Variants in CEP126 observed in about 807,000 individuals in gnomAD.
CEP126 encodes the protein centrosomal protein 126, also known as centrosomal protein of 126 kDa.
A neutral mutation model predicts 107.8 loss-of-function variants in CEP126; 74 were observed. That is an observed-to-expected ratio of 0.69 (90% confidence interval 0.57 to 0.83). The LOEUF is 0.83. Ranked by LOEUF, CEP126 falls within the 40% of genes least tolerant of loss-of-function variation. The pLI, the probability that CEP126 is intolerant of heterozygous loss-of-function variation, is 0.00. For missense variants in CEP126, 1,237 were observed against 1,281.9 expected (o/e 0.96, Z 0.53); for synonymous variants, 449 against 446.0 (o/e 1.01, Z -0.08).
At chr11:101,996,589 C>T (rs1421019723) in intron 10 of CEP126, among the ~76,000 whole-genome samples, 1 of 152,090 alleles carries the variant, frequency 6.6e-6, no homozygotes, top group African/African-American at 2.4e-5. Context: ...TAAGCGGTCT[C>T]TTATAAATCA....
At chr11:101,915,491 C>A in intron 1 of CEP126, 79 bp downstream of exon 1, 1 of 1,526,158 alleles carries the variant, frequency 6.6e-7, no homozygotes, top group Non-Finnish European at 8.9e-7. Flanking sequence ...ATTCCCATTA[C>A]CTTTGACGCA....
chr11:101,915,256 C>G lies in CEP126; in HGVS notation c.-29C>G. 1 of 1,611,616 alleles carries G rather than the reference C, an allele frequency of 6.2e-7. No homozygotes were observed. The highest frequency in any genetic ancestry group is 8.5e-7 in the Non-Finnish European group (1 of 1,179,118). ...GCTGCCATGAGGGAGGTTCTGGGGG[C>G]GAGCAGACAGGCGGCGCTGAAGTGA... On this transcript the variant is annotated 5_prime_UTR_variant, in exon 1 of 11. Coordinates refer to ENST00000263468, the MANE Select transcript of CEP126 (RefSeq NM_020802.4).
intron 6 of CEP126, among the ~76,000 whole-genome samples, chr11:101,965,028 A>G (rs1591286620): frequency 6.6e-6 from 1 of 152,166 alleles, no homozygotes; most frequent in Non-Finnish European, 1.5e-5. Flanking sequence ...TTTATCTGCT[A>G]TGACTATTGG....
intron 6 of CEP126, among the ~76,000 whole-genome samples, chr11:101,970,521 G>T (rs908631208): frequency 6.6e-6 from 1 of 151,142 alleles, no homozygotes; most frequent in African/African-American, 2.4e-5. Flanking sequence ...CTCAATTCAT[G>T]CACTTTTCTA....
chr11:101,981,954 T>C lies in CEP126; in HGVS notation c.3024T>C (p.Tyr1008=), dbSNP rs553900275. 10 of 1,555,742 alleles carry C rather than the reference T, an allele frequency of 6.4e-6. 1 individual carries two copies. Among genetic ancestry groups the C allele is most frequent in the South Asian group, 2.3e-5 (2 of 85,938 alleles). Residue 1008 remains tyrosine, a synonymous_variant, in exon 8 of 11, where the codon TAT becomes TAC. Transcript: ENST00000263468. The stretch of plus-strand genomic sequence containing the variant: ...AACAAACTACAAGGGGTACTTCTTA[T>C]ATTGAAGAAGGTATGTTTTAGTTTA... ...EPKQTTRGTS[Y]IEEVSDSTSE... is the part of the protein sequence containing the mutation.
chr11:101,940,308 A>G (rs536254123), intron 2 of CEP126, among the ~76,000 whole-genome samples: 17 of 152,328 alleles, frequency 1.1e-4, no homozygotes, highest in African/African-American at 4.1e-4. Flanking sequence ...AAAATCAAAA[A>G]AAGTTTTATT....
At chr11:101,977,357 G>C (rs536953364) in intron 6 of CEP126, among the ~76,000 whole-genome samples, 1 of 151,966 alleles carries the variant, frequency 6.6e-6, no homozygotes, top group Non-Finnish European at 1.5e-5. Context: ...AAAAGGCCGG[G>C]TGCAGTGGCT....
chr11:101,965,581 T>C (rs1427958716), intron 6 of CEP126, among the ~76,000 whole-genome samples: 1 of 152,212 alleles, frequency 6.6e-6, no homozygotes, highest in Non-Finnish European at 1.5e-5. Flanking sequence ...TTTTATCCAG[T>C]CATTTCAGAA....
chr11:101,944,529 C>T (rs1344266710), intron 3 of CEP126, 119 bp downstream of exon 3: 7 of 946,742 alleles, frequency 7.4e-6, no homozygotes, highest in Non-Finnish European at 1.1e-5. Flanking sequence ...ACCAATATGA[C>T]TTTTGAGTAA....
intron 1 of CEP126, among the ~76,000 whole-genome samples, chr11:101,918,090 C>T (rs915201974): frequency 6.6e-6 from 1 of 152,122 alleles, no homozygotes; most frequent in African/African-American, 2.4e-5. Context: ...CACACTCCCA[C>T]CCACCTGTCT....
At chr11:101,937,733 TTATAA>T (rs1375679936) in intron 2 of CEP126, among the ~76,000 whole-genome samples, 19 of 152,168 alleles carry the variant, frequency 1.2e-4, no homozygotes, top group Admixed American at 8.5e-4. Flanking sequence ...GACAAAAAAA[TTATAA>T]TATATCTGAA....
chr11:101,980,865 A>G (rs1439062374), intron 7 of CEP126, among the ~76,000 whole-genome samples: 1 of 152,238 alleles, frequency 6.6e-6, no homozygotes, highest in Non-Finnish European at 1.5e-5. Context: ...GAGATCAAAC[A>G]AGACTATGAG....
At chr11:101,967,340 T>C (rs1197529314) in intron 6 of CEP126, among the ~76,000 whole-genome samples, 3 of 152,156 alleles carry the variant, frequency 2.0e-5, no homozygotes, top group African/African-American at 4.8e-5. Flanking sequence ...AATAGTTCTT[T>C]TACCAATATC....
In CEP126 at chr11:101,958,152, T is replaced by TA; in HGVS notation, c.507-15dup. On this transcript the variant is annotated splice_polypyrimidine_tract_variant and intron_variant, in intron 4 of 10. Transcript: ENST00000263468. ...TTATTTAAATGTACTAAGCACTTTT[T>TA]ATGTCTGGTTCACAGAGCTATAGAT... 1 of 1,608,668 alleles carries TA rather than the reference T, an allele frequency of 6.2e-7. No individual in the cohort carries two copies. Among genetic ancestry groups the TA allele is most frequent in the Non-Finnish European group, 8.5e-7 (1 of 1,177,494 alleles).
rs1462854442 is a variant in CEP126, at chr11:101,999,185, T to C, written c.*1542T>C. 1 of 152,082 alleles carries C rather than the reference T, an allele frequency of 6.6e-6. No homozygotes were observed. Among genetic ancestry groups the C allele is most frequent in the African/African-American group, 2.4e-5 (1 of 41,408 alleles). 9.4% of individuals were successfully genotyped at this position (152,082 alleles called of 1,614,324 possible). A position where few individuals can be genotyped will look rare whatever the true frequency, so the allele number is the denominator to read the frequency against. On this transcript the variant is annotated 3_prime_UTR_variant, in exon 11 of 11. Transcript: ENST00000263468. ...ATTTCTTATACTATCAAGAAAAAAT[T>C]CTGTGAATTAAGATGTAATTTATAA... is the stretch of plus-strand genomic sequence containing the variant.
chr11:101,962,764 A>G lies in CEP126; in HGVS notation c.1729A>G (p.Ser577Gly), dbSNP rs774014327. Residue 577 changes from serine to glycine, a missense_variant, in exon 6 of 11, where the codon AGT becomes GGT. This residue lies in a region of CEP126 where 1,134 missense variants were observed against 1,150.5 expected (regional missense o/e 0.99). Transcript: ENST00000263468. ...HERNGVRFLKSILKKESKYEH... is the reference protein window; with the variant it reads ...HERNGVRFLKGILKKESKYEH... ...GAGAAATGGTGTGAGATTTCTTAAA[A>G]GTATTTTAAAGAAAGAATCTAAATA... The G allele has an allele frequency of 1.0e-5, 16 of 1,605,910 alleles. 1 individual carries two copies. Among genetic ancestry groups the G allele is most frequent in the Non-Finnish European group, 1.3e-5 (15 of 1,177,900 alleles).
At chr11:101,958,601 G>C (rs1016413843) in intron 5 of CEP126, among the ~76,000 whole-genome samples, 1 of 152,064 alleles carries the variant, frequency 6.6e-6, no homozygotes, top group Non-Finnish European at 1.5e-5. Flanking sequence ...ATTATAAAAA[G>C]CAACCAGAAA....
At chr11:101,986,779 C>T (rs746535658) in intron 8 of CEP126, 53 bp from the exon 9 acceptor site, 145 of 1,329,614 alleles carry the variant, frequency 1.1e-4, no homozygotes, top group Non-Finnish European at 1.4e-4. Context: ...TATATAAGGG[C>T]TGATCTCAAA....
intron 9 of CEP126, among the ~76,000 whole-genome samples, chr11:101,988,736 A>G (rs568563539): frequency 6.6e-6 from 1 of 151,860 alleles, no homozygotes; most frequent in Non-Finnish European, 1.5e-5. Context: ...ATATGTTCAG[A>G]CAAAAACGAA....
Sources: gnomAD v4.1 joint callset for allele counts (sites outside exome capture counted in the v4.1 genomes callset) on GRCh38, gnomAD v4.1.1 for gene constraint, gnomAD v4.1.1 regional missense constraint, MANE v1.5 for transcripts, NCBI Gene and HGNC (gene_info 2026-07-23, HGNC 2026-07-21) for gene names.